PSMG2: variants seen among roughly 807,000 people sequenced by gnomAD.
PSMG2 encodes the protein CD40 ligand-activated specific transcript 3.
In PSMG2, 21 loss-of-function variants were observed where a neutral mutation model predicts 31.5. The ratio of observed to expected loss-of-function variants is 0.67; its 90% CI spans 0.47 to 0.96. PSMG2 has a LOEUF of 0.96. PSMG2 is among the 40% of genes least tolerant of loss of function. The pLI is 0.00. For synonymous variants in PSMG2, 120 were observed against 110.4 expected (o/e 1.09, Z -0.54); for missense variants, 318 against 321.2 (o/e 0.99, Z 0.08).
At position 12,671,905 on chromosome 18, in the gene PSMG2, C is replaced by T. The variant is rs182700398; in HGVS notation, c.-37+13132C>T. Among the ~76,000 whole-genome samples, 485 of 152,214 alleles carry T rather than the reference C, an allele frequency of 3.2e-3. 2 individuals carry two copies. Among genetic ancestry groups the T allele is most frequent in the Non-Finnish European group, 5.8e-3 (395 of 68,008 alleles). On this transcript the variant is annotated intron_variant, in intron 1 of 6. Coordinates refer to the PSMG2 transcript ENST00000585331. The stretch of plus-strand genomic sequence containing the variant: ...GCATGATCTTGGCTCATCACAACCT[C>T]CGCCTCCCAGGTTCAAGCGATTCTC...
chr18:12,704,888 G>A (rs189898532), intron 1 of PSMG2, among the ~76,000 whole-genome samples: 7 of 152,246 alleles, frequency 4.6e-5, no homozygotes, highest in Admixed American at 1.3e-4. Context: ...TGAAAAGTGG[G>A]AGAACATGCT....
At chr18:12,711,750 C>CTTTTTTT (rs34631690) in intron 2 of PSMG2, among the ~76,000 whole-genome samples, 29 of 97,566 alleles carry the variant, frequency 3.0e-4, no homozygotes, top group African/African-American at 6.0e-4. Flanking sequence ...GCTTCTCATT[C>CTTTTTTT]TTTTTTTTTT....
At chr18:12,673,518 A>C (rs2039004939) in intron 1 of PSMG2, 2 of 1,553,636 alleles carry the variant, frequency 1.3e-6, no homozygotes, top group East Asian at 2.4e-5. Flanking sequence ...TTAAGAAAAA[A>C]AAAATTATTC....
chr18:12,665,588 TAA>T (rs995626016), intron 1 of PSMG2, among the ~76,000 whole-genome samples: 4 of 152,202 alleles, frequency 2.6e-5, no homozygotes, highest in African/African-American at 9.6e-5. Context: ...TAATCCTTCT[TAA>T]GAGATGTTGG....
At chr18:12,695,852 C>CCACACACA (rs375916938) in intron 1 of PSMG2, among the ~76,000 whole-genome samples, 7,033 of 148,328 alleles carry the variant, frequency 0.047, 220 homozygotes, top group African/African-American at 0.091. Context: ...CATTCCTTCT[C>CCACACACA]CACACACACA....
intron 1 of PSMG2, among the ~76,000 whole-genome samples, chr18:12,688,680 T>A (rs375625924): frequency 2.9e-4 from 44 of 152,358 alleles, no homozygotes; most frequent in African/African-American, 1.0e-3. Flanking sequence ...AGAAAATCAC[T>A]AACCATTATG....
chr18:12,693,805 T>A lies in PSMG2; in HGVS notation c.-36-12745T>A, dbSNP rs145210855. Among the ~76,000 whole-genome samples the A allele has an allele frequency of 9.0e-3, 1,371 of 152,068 alleles. 28 individuals are homozygous for A. The highest frequency in any genetic ancestry group is 0.03 in the African/African-American group (1,240 of 41,514). ...TGAAAAAAACAAACAAAAAAACCCC[T>A]CACGTATACACATAATGTATATGTG... On this transcript the variant is annotated intron_variant, in intron 1 of 6. Coordinates refer to the PSMG2 transcript ENST00000585331.
upstream of PSMG2, among the ~76,000 whole-genome samples, chr18:12,701,633 A>G (rs1024157200): frequency 6.6e-6 from 1 of 152,278 alleles, no homozygotes; most frequent in East Asian, 1.9e-4. Flanking sequence ...GGGCACCATA[A>G]ATGGTCGCTT....
intron 1 of PSMG2, among the ~76,000 whole-genome samples, chr18:12,675,121 G>A (rs1323495960): frequency 6.6e-6 from 1 of 152,154 alleles, no homozygotes; most frequent in Admixed American, 6.5e-5. Context: ...TTTAGGCCGG[G>A]TGCGGTGGCT....
At chr18:12,698,189 AATTT>A (rs1315646420), upstream of PSMG2, among the ~76,000 whole-genome samples, 2 of 151,582 alleles carry the variant, frequency 1.3e-5, no homozygotes, top group East Asian at 1.9e-4. Flanking sequence ...TATTTATAAA[AATTT>A]ATTAGAAGTT....
chr18:12,698,160 A>G (rs2040022346), upstream of PSMG2, among the ~76,000 whole-genome samples: 1 of 137,314 alleles, frequency 7.3e-6, no homozygotes, highest in South Asian at 2.1e-4. Context: ...TTTTTATTTT[A>G]TTTATATTTA....
intron 1 of PSMG2, among the ~76,000 whole-genome samples, chr18:12,687,276 T>C (rs1014981863): frequency 6.6e-6 from 1 of 152,176 alleles, no homozygotes. Flanking sequence ...GAACCACTGA[T>C]GTCTTTCTCC....
chr18:12,713,942 G>T (rs1031682350), intron 3 of PSMG2, among the ~76,000 whole-genome samples: 1 of 151,972 alleles, frequency 6.6e-6, no homozygotes, highest in African/African-American at 2.4e-5. Context: ...GTAGAGACGG[G>T]GTTTTGCCAT....
chr18:12,691,491 G>T, intron 1 of PSMG2: 1 of 1,574,942 alleles, frequency 6.3e-7, no homozygotes, highest in Admixed American at 2.0e-5. Flanking sequence ...AAGCAAGCTT[G>T]AAATTGAAAA....
intron 1 of PSMG2, among the ~76,000 whole-genome samples, chr18:12,690,413 G>C (rs552475155): frequency 6.6e-6 from 1 of 151,676 alleles, no homozygotes; most frequent in African/African-American, 2.4e-5. Context: ...TATTTGAACT[G>C]TTCCTTAGGA....
intron 2 of PSMG2, among the ~76,000 whole-genome samples, chr18:12,711,651 T>C (rs768857211): frequency 1.2e-4 from 19 of 152,122 alleles, no homozygotes; most frequent in Non-Finnish European, 2.5e-4. Context: ...TTTGCTGTTA[T>C]TTGCAATCTG....
intron 1 of PSMG2, among the ~76,000 whole-genome samples, chr18:12,664,655 G>A (rs1355835557): frequency 3.3e-5 from 5 of 151,812 alleles, no homozygotes; most frequent in Non-Finnish European, 7.4e-5. Context: ...AAAGTGCTGG[G>A]ATTACAGGTT....
rs534767682 is a variant in PSMG2, at chr18:12,669,690, G to T, written c.-37+10917G>T. Among the ~76,000 whole-genome samples the T allele has an allele frequency of 3.3e-5, 5 of 152,148 alleles. No homozygotes were observed. The East Asian group carries it at 9.7e-4, about 29-fold the overall frequency. On this transcript the variant is annotated intron_variant, in intron 1 of 6. Transcript: ENST00000585331. ...ACTTTTATGACAGCTAAATATACAAGGTAAATTTAATTCTTAAAAAGAAAA... is the reference window on the plus strand; with the variant it reads ...ACTTTTATGACAGCTAAATATACAATGTAAATTTAATTCTTAAAAAGAAAA...
intron 1 of PSMG2, among the ~76,000 whole-genome samples, chr18:12,696,451 C>T (rs989362578): frequency 6.6e-6 from 1 of 151,922 alleles, no homozygotes; most frequent in Non-Finnish European, 1.5e-5. Flanking sequence ...TGCAGTGAGC[C>T]GAGATTGCAG....
Sources: allele counts gnomAD v4.1 joint callset (sites outside exome capture counted in the v4.1 genomes callset), GRCh38; gene constraint gnomAD v4.1.1; transcripts MANE v1.5; gene names NCBI Gene and HGNC (gene_info 2026-07-23, HGNC 2026-07-21).